PTDSS1: variants seen among roughly 807,000 people sequenced by gnomAD.
PTDSS1 encodes PSS-1.
Under a neutral mutation model 70.5 loss-of-function variants are expected in PTDSS1, and 45 were observed. The observed-to-expected ratio is 0.64, with a 90% CI of 0.50 to 0.82. The LOEUF (loss-of-function observed/expected upper bound fraction) is 0.82, where lower values mean the gene tolerates loss of function less well. Ranked by LOEUF, PTDSS1 falls within the 40% of genes least tolerant of loss-of-function variation. PTDSS1 has a pLI of 0.00. For synonymous variants in PTDSS1, 188 were observed against 203.8 expected, an observed-to-expected ratio of 0.92 and a Z score of 0.66; for missense variants, 417 against 586.1, an observed-to-expected ratio of 0.71 and a Z score of 2.98.
At chr8:96,267,385 T>G (rs1203178220) in intron 1 of PTDSS1, among the ~76,000 whole-genome samples, 2 of 152,174 alleles carry the variant, frequency 1.3e-5, no homozygotes, top group African/African-American at 4.8e-5. Context: ...TTCGGGACTG[T>G]TCTCTTTCCG....
chr8:96,320,107 G>A (rs1036662215), intron 9 of PTDSS1, 139 bp from the exon 10 acceptor site: 1 of 692,790 alleles, frequency 1.4e-6, no homozygotes, highest in Non-Finnish European at 2.5e-6. Flanking sequence ...GTGTTATTTT[G>A]TGGGGTACCT....
chr8:96,280,842 C>G (rs1810725341), intron 2 of PTDSS1, among the ~76,000 whole-genome samples: 1 of 152,106 alleles, frequency 6.6e-6, no homozygotes, highest in South Asian at 2.1e-4. Context: ...GAGGCTGAGC[C>G]CTTCTAATAA....
chr8:96,326,223 T>G (rs1811436355), intron 10 of PTDSS1, among the ~76,000 whole-genome samples: 1 of 152,202 alleles, frequency 6.6e-6, no homozygotes, highest in Non-Finnish European at 1.5e-5. Context: ...ATCTACATGA[T>G]GAAACTGATA....
intron 2 of PTDSS1, chr8:96,283,718 T>C: frequency 5.4e-6 from 1 of 185,324 alleles, no homozygotes. Context: ...GTCCAGAGCC[T>C]CTTTCCCTGG....
intron 10 of PTDSS1, among the ~76,000 whole-genome samples, chr8:96,323,441 C>T (rs1182345925): frequency 2.0e-5 from 3 of 152,194 alleles, no homozygotes; most frequent in Non-Finnish European, 4.4e-5. Context: ...ACAGCTCTTG[C>T]GTTTTGCATA....
In PTDSS1 at chr8:96,288,888, C is replaced by T. The variant is rs1014637024; in HGVS notation, c.441+1742C>T. 9.9e-5 allele frequency among the ~76,000 whole-genome samples: 15 copies of T among 151,570 alleles called. No homozygotes were observed. In the East Asian group the frequency reaches 2.5e-3, roughly 26 times the overall value. On this transcript the variant is annotated intron_variant, in intron 4 of 12. Coordinates refer to ENST00000517309, the MANE Select transcript of PTDSS1 (RefSeq NM_014754.3). ...GACTGATCCACACATCTCAGCCTTC[C>T]AAAGTGCTGGAATTACAGGTGTGAG...
intron 9 of PTDSS1, among the ~76,000 whole-genome samples, chr8:96,317,031 GTCTATATATA>G (rs1192362253): frequency 5.1e-4 from 14 of 27,282 alleles, no homozygotes; most frequent in Non-Finnish European, 1.5e-3. Context: ...ATATATATGT[GTCTATATATA>G]TGTGTGTATA....
chr8:96,261,997 C>T lies in PTDSS1; in HGVS notation c.-44C>T, dbSNP rs1188050525. On this transcript the variant is annotated 5_prime_UTR_variant, in exon 1 of 13. Coordinates refer to ENST00000517309, the MANE Select transcript of PTDSS1 (RefSeq NM_014754.3). The stretch of plus-strand genomic sequence containing the variant: ...GTCACCCCCGGGGTCCCGGCCTTCT[C>T]GGGCTGGGGCCGCCGCCACCGCGGC... 14 of 1,580,984 alleles carry T rather than the reference C, an allele frequency of 8.9e-6. No individual in the cohort carries two copies. The highest frequency in any genetic ancestry group is 1.1e-5 in the Non-Finnish European group (13 of 1,162,482).
intron 8 of PTDSS1, among the ~76,000 whole-genome samples, chr8:96,307,520 C>T (rs921493192): frequency 6.9e-6 from 1 of 145,758 alleles, no homozygotes; most frequent in African/African-American, 2.6e-5. Flanking sequence ...AAGACATGTC[C>T]AAGTCCTGAG....
At chr8:96,305,199 G>T (rs1006799699) in intron 7 of PTDSS1, among the ~76,000 whole-genome samples, 1 of 152,194 alleles carries the variant, frequency 6.6e-6, no homozygotes, top group East Asian at 1.9e-4. Context: ...GTATAGTGCC[G>T]TTAGGATGGA....
chr8:96,287,286 G>A (rs1810837922), intron 4 of PTDSS1, 140 bp downstream of exon 4: 1 of 1,169,774 alleles, frequency 8.5e-7, no homozygotes, highest in Non-Finnish European at 1.2e-6. Flanking sequence ...TGGGAGGGTT[G>A]TTGAGTTGCA....
At chr8:96,292,161 G>A (rs534424905) in intron 4 of PTDSS1, among the ~76,000 whole-genome samples, 9 of 151,706 alleles carry the variant, frequency 5.9e-5, no homozygotes, top group South Asian at 2.1e-4. Context: ...TTAGCTGGGC[G>A]TGGTGGCACG....
chr8:96,328,109 T>A lies in PTDSS1; in HGVS notation c.1174-2104T>A, dbSNP rs1021696681. Among the ~76,000 whole-genome samples, 8 of 150,898 alleles carry A rather than the reference T, an allele frequency of 5.3e-5. No individual in the cohort carries two copies. In the South Asian group the frequency reaches 6.3e-4, roughly 12 times the overall value. On this transcript the variant is annotated intron_variant, in intron 10 of 12. Coordinates refer to ENST00000517309, the MANE Select transcript of PTDSS1 (RefSeq NM_014754.3). ...GTTTGCCGCTGGAGGGAGCGGCAGCTGCCACTGCCTGTCATATTGGGCCTG... is the reference window on the plus strand; with the variant it reads ...GTTTGCCGCTGGAGGGAGCGGCAGCAGCCACTGCCTGTCATATTGGGCCTG...
Position 96,262,604 on chromosome 8 carries a change from T to A in PTDSS1, c.179+385T>A, listed in dbSNP as rs1485607066. On this transcript the variant is annotated intron_variant, in intron 1 of 12. Transcript: ENST00000517309. This position sits in a 1 kb window ranked among gnomAD's most constrained non-coding sequence, Gnocchi z 4.4. Reference sequence around the variant, plus strand: ...AGCACACCGCATGAATCATGTCGTATGCACCACTTTCAGCACACACCGCTA... The same window carrying A: ...AGCACACCGCATGAATCATGTCGTAAGCACCACTTTCAGCACACACCGCTA... Among the ~76,000 whole-genome samples, 3 of 152,124 alleles carry A rather than the reference T, an allele frequency of 2.0e-5. No individual in the cohort carries two copies. Among genetic ancestry groups the A allele is most frequent in the Admixed American group, 6.5e-5 (1 of 15,282 alleles).
chr8:96,284,028 G>T (rs1258626619), intron 2 of PTDSS1, 81 bp from the exon 3 acceptor site: 2 of 1,147,286 alleles, frequency 1.7e-6, no homozygotes, highest in East Asian at 2.4e-5. Flanking sequence ...CTTGTTATCT[G>T]TATGGAGATC....
intron 10 of PTDSS1, among the ~76,000 whole-genome samples, chr8:96,328,697 A>T (rs6985074): frequency 0.46 from 69,697 of 151,896 alleles, 16,597 homozygotes; most frequent in African/African-American, 0.51. Flanking sequence ...GGAACTAAGA[A>T]GGCACTGTGT....
chr8:96,333,516 A>C lies in PTDSS1; in HGVS notation c.1372A>C (p.Arg458=). ...GNNESHSSRR[R]NRHSKSKVTN... ...CAACGAAAGCCATTCTTCCAGGAGAAGGAATCGGCATTCCAAGTCAAAAGT... is the reference window on the plus strand; with the variant it reads ...CAACGAAAGCCATTCTTCCAGGAGACGGAATCGGCATTCCAAGTCAAAAGT... Residue 458 remains arginine (R), a synonymous_variant, in exon 13 of 13, where the codon AGG becomes CGG. Coordinates refer to ENST00000517309, the MANE Select transcript of PTDSS1 (RefSeq NM_014754.3). The C allele has an allele frequency of 6.2e-7, 1 of 1,614,122 alleles. No homozygotes were observed. Among genetic ancestry groups the C allele is most frequent in the Non-Finnish European group, 8.5e-7 (1 of 1,179,966 alleles).
intron 2 of PTDSS1, among the ~76,000 whole-genome samples, chr8:96,276,432 G>C (rs1287282980): frequency 1.3e-5 from 2 of 152,118 alleles, no homozygotes; most frequent in Non-Finnish European, 2.9e-5. Context: ...TTTGATTCTG[G>C]AAAGATAAAA....
intron 5 of PTDSS1, among the ~76,000 whole-genome samples, chr8:96,295,937 GT>G (rs1810967651): frequency 6.6e-6 from 1 of 151,970 alleles, no homozygotes; most frequent in Admixed American, 6.6e-5. Context: ...GCCTCTCACT[GT>G]TCTGGAGGCC....
Sources: allele counts gnomAD v4.1 joint callset (sites outside exome capture counted in the v4.1 genomes callset), GRCh38; gene constraint gnomAD v4.1.1; non-coding constraint Gnocchi (gnomAD v3.1); transcripts MANE v1.5; gene names NCBI Gene and HGNC (gene_info 2026-07-23, HGNC 2026-07-21).